The following COMMD10 variants were observed in gnomAD, a reference collection of about 807,000 sequenced individuals.
COMMD10 encodes COMM domain containing 10, also known as COMM domain-containing protein 10.
A neutral mutation model predicts 28.9 loss-of-function variants in COMMD10; 33 were observed. That is an observed-to-expected ratio of 1.14 (90% CI 0.87 to 1.53). The LOEUF (loss-of-function observed/expected upper bound fraction) is 1.53, where lower values mean the gene tolerates loss of function less well. Among genes scored for constraint, COMMD10 ranks in the 40% most tolerant of loss-of-function variants. COMMD10 has a pLI of 0.00. For missense variants in COMMD10, 310 were observed against 233.4 expected (o/e 1.33, Z -2.14); for synonymous variants, 110 against 81.7 (o/e 1.35, Z -1.87).
intron 4 of COMMD10, among the ~76,000 whole-genome samples, chr5:116,099,536 G>A (rs1750584852): frequency 6.6e-6 from 1 of 152,062 alleles, no homozygotes; most frequent in Non-Finnish European, 1.5e-5. Context: ...TTTCATAAAG[G>A]CTGTACCAAT....
At chr5:116,185,816 T>C (rs1748116209) in intron 5 of COMMD10, among the ~76,000 whole-genome samples, 1 of 152,156 alleles carries the variant, frequency 6.6e-6, no homozygotes, top group Non-Finnish European at 1.5e-5. Context: ...ATATCTTTAT[T>C]AGACCCTTAA....
intron 5 of COMMD10, among the ~76,000 whole-genome samples, chr5:116,235,087 TTTTA>T (rs1749627090): frequency 6.6e-6 from 1 of 152,196 alleles, no homozygotes; most frequent in Non-Finnish European, 1.5e-5. Flanking sequence ...GATCTGTGCC[TTTTA>T]TATATATACT....
chr5:116,201,057 G>T (rs1341780538), intron 5 of COMMD10, among the ~76,000 whole-genome samples: 1 of 152,122 alleles, frequency 6.6e-6, no homozygotes, highest in Non-Finnish European at 1.5e-5. Context: ...TCCTTCTCCA[G>T]TTGGACAGAT....
intron 5 of COMMD10, among the ~76,000 whole-genome samples, chr5:116,222,581 A>C (rs1438068243): frequency 6.6e-6 from 1 of 152,202 alleles, no homozygotes; most frequent in Non-Finnish European, 1.5e-5. Context: ...CAGGAACATG[A>C]GGCTGGACAG....
chr5:116,147,481 T>G (rs934130913), intron 5 of COMMD10, among the ~76,000 whole-genome samples: 2 of 151,876 alleles, frequency 1.3e-5, no homozygotes, highest in Non-Finnish European at 2.9e-5. Flanking sequence ...TTATACAGTA[T>G]TTTAAAAAAT....
intron 5 of COMMD10, among the ~76,000 whole-genome samples, chr5:116,258,318 C>G (rs1481026474): frequency 6.6e-6 from 1 of 151,688 alleles, no homozygotes; most frequent in Non-Finnish European, 1.5e-5. Flanking sequence ...TGTTACTATC[C>G]TAGAATGCTT....
chr5:116,265,600 T>C (rs1296698808), intron 5 of COMMD10, among the ~76,000 whole-genome samples: 1 of 151,826 alleles, frequency 6.6e-6, no homozygotes, highest in Non-Finnish European at 1.5e-5. Flanking sequence ...AACAAGCATT[T>C]ATTAAACATC....
chr5:116,101,755 G>A (rs890574201), intron 4 of COMMD10, among the ~76,000 whole-genome samples: 6 of 152,172 alleles, frequency 3.9e-5, no homozygotes, highest in African/African-American at 1.4e-4. Flanking sequence ...ATTCTGACTA[G>A]GGTAAGATGA....
chr5:116,277,126 T>G (rs1750937905), intron 5 of COMMD10, among the ~76,000 whole-genome samples: 1 of 151,896 alleles, frequency 6.6e-6, no homozygotes, highest in Non-Finnish European at 1.5e-5. Flanking sequence ...CCATGTTCCA[T>G]CCTTTATTTA....
chr5:116,198,181 T>G (rs1177510477), intron 5 of COMMD10, among the ~76,000 whole-genome samples: 1 of 152,194 alleles, frequency 6.6e-6, no homozygotes, highest in African/African-American at 2.4e-5. Context: ...AGAGTGAGCT[T>G]AATTTCTAAG....
intron 5 of COMMD10, among the ~76,000 whole-genome samples, chr5:116,260,769 C>A (rs1263152256): frequency 1.3e-5 from 2 of 151,204 alleles, no homozygotes. Flanking sequence ...AAGATTAGAC[C>A]CCAGGCTTGA....
chr5:116,116,552 C>A (rs1751237924), intron 4 of COMMD10, among the ~76,000 whole-genome samples: 1 of 152,100 alleles, frequency 6.6e-6, no homozygotes. Context: ...CAAATTTCTG[C>A]CTTTTTTGTT....
rs1752419484 is a variant in COMMD10 at position 116,148,720 on chromosome 5, C to T, written c.510+14542C>T. The stretch of plus-strand genomic sequence containing the variant: ...AATCAAAGAGAAAAGATAAATTGAA[C>T]TTCATTAAAATTGAAAACTTTTGTG... On this transcript the variant is annotated intron_variant, in intron 5 of 6. Coordinates refer to ENST00000274458, the MANE Select transcript of COMMD10 (RefSeq NM_016144.4). Among the ~76,000 whole-genome samples the T allele has an allele frequency of 3.3e-5, 5 of 151,412 alleles. No individual in the cohort carries two copies. The South Asian group carries it at 1.0e-3, about 32-fold the overall frequency.
At chr5:116,088,851 A>G (rs1197898657) in intron 2 of COMMD10, among the ~76,000 whole-genome samples, 1 of 152,228 alleles carries the variant, frequency 6.6e-6, no homozygotes, top group Non-Finnish European at 1.5e-5. Context: ...TTAGCAGGCA[A>G]CCAAATCCCC....
chr5:116,242,071 C>G (rs946587174), intron 5 of COMMD10, among the ~76,000 whole-genome samples: 3 of 152,170 alleles, frequency 2.0e-5, no homozygotes, highest in African/African-American at 7.2e-5. Context: ...CCTAAGGTAA[C>G]TCTAATGTAC....
chr5:116,103,471 G>C (rs546300943), intron 4 of COMMD10, among the ~76,000 whole-genome samples: 1 of 152,238 alleles, frequency 6.6e-6, no homozygotes, highest in African/African-American at 2.4e-5. Context: ...GTCTTCTTTT[G>C]AGAAGTGTCT....
intron 5 of COMMD10, among the ~76,000 whole-genome samples, chr5:116,138,705 A>G (rs935406819): frequency 6.6e-6 from 1 of 151,738 alleles, no homozygotes; most frequent in Admixed American, 6.6e-5. Flanking sequence ...TTAGATTATA[A>G]TCAGATTGCA....
intron 5 of COMMD10, among the ~76,000 whole-genome samples, chr5:116,151,071 G>A (rs559446200): frequency 4.5e-4 from 68 of 151,642 alleles, no homozygotes; most frequent in South Asian, 1.3e-3. Flanking sequence ...GGCATGAAGC[G>A]TTGTTGAATT....
chr5:116,247,165 T>C (rs1397265760), intron 5 of COMMD10, among the ~76,000 whole-genome samples: 1 of 151,462 alleles, frequency 6.6e-6, no homozygotes, highest in Non-Finnish European at 1.5e-5. Context: ...GCAAAGGATA[T>C]AAACAGATAC....
Sources: gnomAD v4.1 joint callset for allele counts (sites outside exome capture counted in the v4.1 genomes callset) on GRCh38, gnomAD v4.1.1 for gene constraint, MANE v1.5 for transcripts, NCBI Gene and HGNC (gene_info 2026-07-23, HGNC 2026-07-21) for gene names.